Variants in ADK observed in about 807,000 individuals in gnomAD.
The protein encoded by ADK is adenosine kinase.
ADK carries 24 observed loss-of-function variants against 44.7 expected under a neutral mutation model. The observed-to-expected ratio is 0.54, with a 90% CI of 0.39 to 0.76. ADK has a LOEUF of 0.76. ADK is among the 30% of genes least tolerant of loss of function. ADK has a pLI of 0.00. For missense variants in ADK, 321 were observed against 425.1 expected, an observed-to-expected ratio of 0.76 and a Z score of 2.15; for synonymous variants, 128 against 142.6, an observed-to-expected ratio of 0.90 and a Z score of 0.73.
chr10:74,209,821 G>A (rs186964377), intron 2 of ADK, among the ~76,000 whole-genome samples: 102 of 152,212 alleles, frequency 6.7e-4, no homozygotes, highest in African/African-American at 2.4e-3. Context: ...GTGGGCATGA[G>A]GGGATAGGAA....
At chr10:74,292,308 T>C (rs1839652057) in intron 3 of ADK, among the ~76,000 whole-genome samples, 1 of 152,174 alleles carries the variant, frequency 6.6e-6, no homozygotes, top group African/African-American at 2.4e-5. Flanking sequence ...TGGTAGTCGG[T>C]GTATAGGCCT....
chr10:74,367,227 A>T (rs1248965306), intron 4 of ADK, among the ~76,000 whole-genome samples: 1 of 152,202 alleles, frequency 6.6e-6, no homozygotes, highest in African/African-American at 2.4e-5. Flanking sequence ...TGTAAATATG[A>T]AGAGTTCATA....
chr10:74,398,632 AGTT>A (rs1199340333), intron 6 of ADK, 53 bp downstream of exon 6: 1 of 1,000,700 alleles, frequency 1.0e-6, no homozygotes, highest in Non-Finnish European at 1.5e-6. Context: ...GATGGATTAT[AGTT>A]GTTGTCTGAT....
chr10:74,300,236 T>C (rs923121670), intron 3 of ADK, among the ~76,000 whole-genome samples: 24 of 139,094 alleles, frequency 1.7e-4, no homozygotes, highest in African/African-American at 5.8e-4. Context: ...GTTTCTTTCT[T>C]TCTCTCTCTC....
chr10:74,220,300 C>A (rs1323371039), intron 2 of ADK, among the ~76,000 whole-genome samples: 1 of 152,080 alleles, frequency 6.6e-6, no homozygotes, highest in Non-Finnish European at 1.5e-5. Flanking sequence ...GATACATACA[C>A]CCTCCCAAGA....
At chr10:74,442,367 C>T (rs774299310) in intron 6 of ADK, among the ~76,000 whole-genome samples, 19 of 152,214 alleles carry the variant, frequency 1.2e-4, no homozygotes, top group Non-Finnish European at 2.4e-4. Flanking sequence ...GGAGATCGGC[C>T]GGGCATGGTG....
At chr10:74,173,848 C>T (rs1842239324) in intron 1 of ADK, among the ~76,000 whole-genome samples, 1 of 152,130 alleles carries the variant, frequency 6.6e-6, no homozygotes. Context: ...TGGGATCATG[C>T]CTCCAGAGAT....
chr10:74,589,131 A>G (rs1183372607), intron 7 of ADK, 151 bp from the exon 8 acceptor site: 5 of 688,294 alleles, frequency 7.3e-6, no homozygotes, highest in Non-Finnish European at 1.2e-5. Context: ...GGAAAAAAGA[A>G]ATCTTTATTG....
chr10:74,241,126 TATTTA>T (rs531868429), intron 3 of ADK, among the ~76,000 whole-genome samples: 1 of 152,228 alleles, frequency 6.6e-6, no homozygotes, highest in South Asian at 2.1e-4. Flanking sequence ...AAGAAGCCAT[TATTTA>T]AGTTTAATTC....
intron 6 of ADK, among the ~76,000 whole-genome samples, chr10:74,469,985 T>C (rs1458183396): frequency 6.6e-6 from 1 of 152,072 alleles, no homozygotes; most frequent in Non-Finnish European, 1.5e-5. Context: ...TCTCTCTTTT[T>C]TTTAGGCCAA....
chr10:74,208,797 C>A (rs752377103), intron 2 of ADK, among the ~76,000 whole-genome samples: 1 of 151,960 alleles, frequency 6.6e-6, no homozygotes, highest in East Asian at 1.9e-4. Context: ...AGTGCAGTGG[C>A]GCAATCTCAG....
intron 9 of ADK, among the ~76,000 whole-genome samples, chr10:74,629,374 A>G (rs1853332623): frequency 6.6e-6 from 1 of 152,170 alleles, no homozygotes; most frequent in Non-Finnish European, 1.5e-5. Flanking sequence ...CCCCAACTGT[A>G]TAAGTAAGTG....
intron 1 of ADK, among the ~76,000 whole-genome samples, chr10:74,154,559 G>A (rs556729013): frequency 2.8e-4 from 43 of 152,166 alleles, no homozygotes; most frequent in African/African-American, 1.0e-3. Context: ...GTGAGCCACC[G>A]TGCCCTGCCT....
intron 3 of ADK, among the ~76,000 whole-genome samples, chr10:74,266,966 C>G (rs139993908): frequency 5.9e-5 from 9 of 151,916 alleles, no homozygotes; most frequent in Admixed American, 4.6e-4. Flanking sequence ...TGGATTAAAC[C>G]GTGGAAAGAA....
At chr10:74,245,006 A>ATTC (rs1281047471) in intron 3 of ADK, among the ~76,000 whole-genome samples, 1 of 152,200 alleles carries the variant, frequency 6.6e-6, no homozygotes, top group African/African-American at 2.4e-5. Flanking sequence ...ATCACTCTGT[A>ATTC]TTCTTCTCTG....
intron 9 of ADK, among the ~76,000 whole-genome samples, chr10:74,623,418 A>G (rs1468651929): frequency 6.6e-6 from 1 of 152,142 alleles, no homozygotes; most frequent in Non-Finnish European, 1.5e-5. Flanking sequence ...AAGCATCTTT[A>G]TCCTACTAAA....
intron 2 of ADK, among the ~76,000 whole-genome samples, chr10:74,216,226 C>T (rs543116714): frequency 7.9e-5 from 12 of 152,088 alleles, no homozygotes; most frequent in African/African-American, 2.9e-4. Flanking sequence ...ATATTGATTA[C>T]CCTATTATAT....
chr10:74,598,516 C>G (rs192310938), intron 8 of ADK, among the ~76,000 whole-genome samples: 2 of 122,738 alleles, frequency 1.6e-5, no homozygotes, highest in East Asian at 5.4e-4. Flanking sequence ...GTGGCATGAT[C>G]TCTGCACACT....
At chr10:74,450,966 T>A (rs1457873891) in intron 6 of ADK, among the ~76,000 whole-genome samples, 3 of 151,958 alleles carry the variant, frequency 2.0e-5, no homozygotes, top group Non-Finnish European at 4.4e-5. Flanking sequence ...TTTCCATTTC[T>A]TAATTAAATA....
Sources: allele counts gnomAD v4.1 joint callset (sites outside exome capture counted in the v4.1 genomes callset), GRCh38; gene constraint gnomAD v4.1.1; transcripts MANE v1.5; gene names NCBI Gene and HGNC (gene_info 2026-07-23, HGNC 2026-07-21).